The following ADAP1 variants were observed in gnomAD, a reference collection of about 807,000 sequenced individuals.
The protein encoded by ADAP1 is arf-GAP with dual PH domain-containing protein 1.
ADAP1 carries 31 observed loss-of-function variants against 54.9 expected under a neutral mutation model. The observed-to-expected ratio is 0.56, with a 90% CI of 0.42 to 0.76. ADAP1 has a LOEUF of 0.76. Ranked by LOEUF, ADAP1 falls within the 30% of genes least tolerant of loss-of-function variation. ADAP1 has a pLI of 0.00. For synonymous variants in ADAP1, 313 were observed against 202.6 expected (o/e 1.55, Z -4.63); for missense variants, 535 against 512.4 (o/e 1.04, Z -0.42).
rs761470154 is a variant in ADAP1 at position 905,184 on chromosome 7, A to T, written c.389-12T>A. On this transcript the variant is annotated splice_polypyrimidine_tract_variant and intron_variant, in intron 4 of 10. Coordinates refer to ENST00000265846, the MANE Select transcript of ADAP1 (RefSeq NM_006869.4). ...ACCCTCACGGTACCCTGTGGGGGAA[A>T]GGGGACACGAGTCGGTGACAGTGGA... The T allele has an allele frequency of 6.2e-7, 1 of 1,603,236 alleles. No individual in the cohort carries two copies. The highest frequency in any genetic ancestry group is 1.1e-5 in the South Asian group (1 of 90,908).
intron 4 of ADAP1, among the ~76,000 whole-genome samples, chr7:913,528 C>T (rs1167817906): frequency 6.6e-6 from 1 of 152,138 alleles, no homozygotes; most frequent in Non-Finnish European, 1.5e-5. Flanking sequence ...TTGTTCCATT[C>T]TTTATGTATA....
At chr7:905,018 G>C (rs113598521) in intron 5 of ADAP1, 42 bp downstream of exon 5, 13 of 1,569,842 alleles carry the variant, frequency 8.3e-6, no homozygotes, top group Non-Finnish European at 1.1e-5. Context: ...CCGGGATGCC[G>C]CCCTGGGACA....
chr7:950,918 C>T (rs1316005442), intron 1 of ADAP1, among the ~76,000 whole-genome samples: 1 of 147,666 alleles, frequency 6.8e-6, no homozygotes, highest in Non-Finnish European at 1.5e-5. Context: ...GTGCCCCGGA[C>T]TGGGGAGAGG....
At chr7:900,766 G>C (rs373872710) in intron 6 of ADAP1, 150 bp from the exon 7 acceptor site, 49 of 704,622 alleles carry the variant, frequency 7.0e-5, no homozygotes, top group African/African-American at 5.4e-5. Flanking sequence ...CAGTCCTGCC[G>C]CAGGCCTGGC....
intron 4 of ADAP1, among the ~76,000 whole-genome samples, chr7:913,186 C>G (rs2128101705): frequency 6.7e-6 from 1 of 149,184 alleles, no homozygotes; most frequent in Non-Finnish European, 1.5e-5. Flanking sequence ...GGCTGCTGGC[C>G]TCCTCCCCTT....
intron 5 of ADAP1, 94 bp from the exon 6 acceptor site, chr7:904,366 C>G: frequency 6.9e-7 from 1 of 1,457,300 alleles, no homozygotes; most frequent in Non-Finnish European, 9.2e-7. Flanking sequence ...GGCGGCGCAC[C>G]TGCTGTGCTG....
At chr7:935,552 CGGAG>C (rs962882305) in intron 1 of ADAP1, 47 bp from the exon 2 acceptor site, 1 of 1,547,572 alleles carries the variant, frequency 6.5e-7, no homozygotes, top group Non-Finnish European at 8.7e-7. Flanking sequence ...CCAGGGACCC[CGGAG>C]GGAGGGTGGA....
chr7:935,357 G>A lies in ADAP1; in HGVS notation c.213+18C>T, dbSNP rs768525937. 4 of 1,323,574 alleles carry A rather than the reference G, an allele frequency of 3.0e-6. No individual in the cohort carries two copies. The highest frequency in any genetic ancestry group is 2.8e-5 in the East Asian group (1 of 35,568). 82.0% of individuals were successfully genotyped at this position (1,323,574 alleles called of 1,614,324 possible). ...ACCCGGGGACTGCGCGGGTCCCCCC[G>A]CCCCTCCCCCTCCGTACCTCCACTT... is the stretch of plus-strand genomic sequence containing the variant. On this transcript the variant is annotated intron_variant, in intron 2 of 10. Coordinates refer to ENST00000265846, the MANE Select transcript of ADAP1 (RefSeq NM_006869.4).
intron 6 of ADAP1, among the ~76,000 whole-genome samples, chr7:903,699 T>TA (rs1426751711): frequency 3.3e-5 from 5 of 151,622 alleles, no homozygotes; most frequent in African/African-American, 1.2e-4. Context: ...AAAGGAACCC[T>TA]ACCCAAACCA....
Position 920,114 on chromosome 7 carries a change from C to T in ADAP1, c.306-64G>A, listed in dbSNP as rs1479761958. ...GGCCTCCGACCCAGCACACGCCGCT[C>T]TCTGGCCCGGACCCTGGACATCTCA... On this transcript the variant is annotated intron_variant, in intron 3 of 10. Transcript: ENST00000265846. The surrounding 1 kb of genome is among the most constrained non-coding windows in gnomAD (Gnocchi z 4.5). 3 of 1,487,590 alleles carry T rather than the reference C, an allele frequency of 2.0e-6. No homozygotes were observed. Among genetic ancestry groups the T allele is most frequent in the East Asian group, 2.3e-5 (1 of 43,504 alleles). 92.1% of individuals were successfully genotyped at this position (1,487,590 alleles called of 1,614,324 possible).
At chr7:906,359 GGGAGAAAGAGAAA>G (rs1562914110) in intron 4 of ADAP1, among the ~76,000 whole-genome samples, 1 of 912 alleles carries the variant, frequency 1.1e-3, no homozygotes, top group Non-Finnish European at 1.5e-3. Flanking sequence ...AAAGGAGAAA[GGGAGAAAGAGAAA>G]GGAGAAAGGA....
At chr7:911,900 G>A (rs941561199) in intron 4 of ADAP1, among the ~76,000 whole-genome samples, 6 of 152,066 alleles carry the variant, frequency 3.9e-5, no homozygotes, top group Admixed American at 6.5e-5. Context: ...CCAAACACCC[G>A]TCCCCCCGAG....
At position 926,490 on chromosome 7, in the gene ADAP1, C is replaced by T; in HGVS notation, c.305+63G>A. The T allele has an allele frequency of 2.1e-6, 3 of 1,418,926 alleles. No homozygotes were observed. Among genetic ancestry groups the T allele is most frequent in the Non-Finnish European group, 2.8e-6 (3 of 1,066,936 alleles). 87.9% of individuals were successfully genotyped at this position (1,418,926 alleles called of 1,614,324 possible). On this transcript the variant is annotated intron_variant, in intron 3 of 10. Coordinates refer to ENST00000265846, the MANE Select transcript of ADAP1 (RefSeq NM_006869.4). The surrounding 1 kb of genome is among the most constrained non-coding windows in gnomAD (Gnocchi z 4.6). ...AACTCCCCACCCTGCCGGGTCCTCCCGGGGCCATCTCGGAGCCACCCAGCA... is the reference window on the plus strand; with the variant it reads ...AACTCCCCACCCTGCCGGGTCCTCCTGGGGCCATCTCGGAGCCACCCAGCA...
At chr7:931,784 A>C (rs1432852288) in intron 2 of ADAP1, among the ~76,000 whole-genome samples, 1 of 151,924 alleles carries the variant, frequency 6.6e-6, no homozygotes, top group Non-Finnish European at 1.5e-5. Context: ...AAAAAAAAAA[A>C]AAAACATAAA....
chr7:901,916 G>C (rs1213884330), intron 6 of ADAP1, among the ~76,000 whole-genome samples: 1 of 152,050 alleles, frequency 6.6e-6, no homozygotes, highest in Non-Finnish European at 1.5e-5. Flanking sequence ...GCTCTAAGCA[G>C]AACTGGTTGG....
intron 2 of ADAP1, among the ~76,000 whole-genome samples, chr7:929,755 G>A (rs115905612): frequency 0.016 from 2,422 of 152,102 alleles, 51 homozygotes; most frequent in African/African-American, 0.054. Context: ...TGAACTGTAC[G>A]CTTTACGGGA....
chr7:912,290 T>C (rs955374528), intron 4 of ADAP1, among the ~76,000 whole-genome samples: 13 of 150,194 alleles, frequency 8.7e-5, no homozygotes, highest in Non-Finnish European at 1.6e-4. Context: ...CATGAGGCAT[T>C]GTCCAGGCCC....
chr7:952,937 A>C (rs1847305588), intron 1 of ADAP1, among the ~76,000 whole-genome samples: 1 of 152,106 alleles, frequency 6.6e-6, no homozygotes, highest in Non-Finnish European at 1.5e-5. Flanking sequence ...AGGCCAAGGA[A>C]GTCCCCTCTT....
intron 4 of ADAP1, among the ~76,000 whole-genome samples, chr7:906,610 AGAAAGG>A (rs1185061305): frequency 2.8e-4 from 9 of 31,716 alleles, no homozygotes; most frequent in Admixed American, 1.6e-3. Context: ...GGAGAAAGGG[AGAAAGG>A]GAAAGGAGAA....
Sources: allele counts gnomAD v4.1 joint callset (sites outside exome capture counted in the v4.1 genomes callset), GRCh38; gene constraint gnomAD v4.1.1; non-coding constraint Gnocchi (gnomAD v3.1); transcripts MANE v1.5; gene names NCBI Gene and HGNC (gene_info 2026-07-23, HGNC 2026-07-21).